Variants in PREX2 observed in about 807,000 individuals in gnomAD.
The protein encoded by PREX2 is phosphatidylinositol 3,4,5-trisphosphate-dependent Rac exchanger 2 protein.
Under a neutral mutation model 203.2 loss-of-function variants are expected in PREX2, and 107 were observed. The ratio of observed to expected loss-of-function variants is 0.53; its 90% CI spans 0.45 to 0.62. PREX2 has a LOEUF of 0.62. Ranked by LOEUF, PREX2 falls within the 20% of genes least tolerant of loss-of-function variation. The pLI, the probability that PREX2 is intolerant of heterozygous loss-of-function variation, is 0.00. For missense variants in PREX2, 1,777 were observed against 1,955.9 expected, an observed-to-expected ratio of 0.91 and a Z score of 1.72; for synonymous variants, 672 against 663.6, an observed-to-expected ratio of 1.01 and a Z score of -0.19.
At chr8:68,056,935 T>C (rs1808695807) in intron 10 of PREX2, among the ~76,000 whole-genome samples, 1 of 152,192 alleles carries the variant, frequency 6.6e-6, no homozygotes, top group Non-Finnish European at 1.5e-5. Flanking sequence ...TTACCTACAG[T>C]GCTCACTGGG....
intron 6 of PREX2, 43 bp from the exon 7 acceptor site, chr8:68,038,116 T>A: frequency 6.3e-7 from 1 of 1,582,740 alleles, no homozygotes; most frequent in Non-Finnish European, 8.6e-7. Context: ...TACAGAAGTG[T>A]CAACCAAGTA....
Position 68,183,876 on chromosome 8 carries a change from T to A in PREX2, c.4347-7846T>A, listed in dbSNP as rs562628376. Among the ~76,000 whole-genome samples, 30 of 152,278 alleles carry A rather than the reference T, an allele frequency of 2.0e-4. 1 individual carries two copies. In the South Asian group the frequency reaches 5.6e-3, roughly 28 times the overall value. On this transcript the variant is annotated intron_variant, in intron 35 of 39. Transcript: ENST00000288368. ...TATGGTAAAGTCTTACTTTCTATAG[T>A]CACATTTATTGTCTTGTCTTGTTAA...
intron 35 of PREX2, among the ~76,000 whole-genome samples, chr8:68,162,448 G>A (rs773325770): frequency 1.6e-4 from 25 of 152,022 alleles, no homozygotes; most frequent in Admixed American, 5.2e-4. Context: ...GACATTTTAT[G>A]ATTAGCTATT....
chr8:68,197,369 G>T (rs972314609), intron 37 of PREX2, among the ~76,000 whole-genome samples: 2 of 152,054 alleles, frequency 1.3e-5, no homozygotes, highest in Non-Finnish European at 2.9e-5. Flanking sequence ...TAAGTATCTG[G>T]CATTTCCCCT....
intron 9 of PREX2, among the ~76,000 whole-genome samples, chr8:68,054,302 A>G (rs10504418): frequency 0.082 from 12,472 of 152,196 alleles, 1,574 homozygotes; most frequent in African/African-American, 0.27. Flanking sequence ...ATAGCAAACA[A>G]ATAGTTAAAA....
Position 68,069,147 on chromosome 8 carries a change from C to G in PREX2, c.1443+11C>G, listed in dbSNP as rs1297757540. ...GACGTGATTTCAAAGGTAACGACCT[C>G]TCCCACAACCTCTCCAATAGTAGAA... On this transcript the variant is annotated intron_variant, in intron 12 of 39. Transcript: ENST00000288368. 8.1e-7 allele frequency: 1 copy of G among 1,231,424 alleles called. No individual in the cohort carries two copies. The highest frequency in any genetic ancestry group is 2.1e-5 in the Admixed American group (1 of 48,274). The allele number at this position is 1,231,424 out of a possible 1,614,324, so 76.3% of individuals were successfully genotyped here. A position where few individuals can be genotyped will look rare whatever the true frequency, so the allele number is the denominator to read the frequency against.
intron 6 of PREX2, among the ~76,000 whole-genome samples, chr8:68,032,781 C>T (rs1585722619): frequency 6.6e-6 from 1 of 152,106 alleles, no homozygotes; most frequent in East Asian, 1.9e-4. Context: ...GGAGAGGCTA[C>T]CTTAGCGTTA....
chr8:68,231,193 T>C (rs1465750262), intron 39 of PREX2, 140 bp from the exon 40 acceptor site: 1 of 553,726 alleles, frequency 1.8e-6, no homozygotes, highest in Non-Finnish European at 2.9e-6. Context: ...AATTCATATG[T>C]TATTTTTAGT....
At chr8:67,993,445 C>T (rs1166619433) in intron 1 of PREX2, among the ~76,000 whole-genome samples, 1 of 141,660 alleles carries the variant, frequency 7.1e-6, no homozygotes, top group Non-Finnish European at 1.5e-5. Context: ...CTCACTCTGT[C>T]GCCCAGACTG....
chr8:67,996,402 CA>C (rs1390896621), intron 1 of PREX2, among the ~76,000 whole-genome samples: 1 of 151,856 alleles, frequency 6.6e-6, no homozygotes, highest in Non-Finnish European at 1.5e-5. Context: ...CTATGTTGCC[CA>C]AGTTGGTCTC....
intron 10 of PREX2, among the ~76,000 whole-genome samples, chr8:68,058,693 C>T (rs1808753291): frequency 6.6e-6 from 1 of 152,074 alleles, no homozygotes. Flanking sequence ...CCTCCGCCTC[C>T]CAAAATGCTG....
chr8:68,098,490 T>C (rs1463671717), intron 22 of PREX2, among the ~76,000 whole-genome samples: 1 of 152,128 alleles, frequency 6.6e-6, no homozygotes, highest in African/African-American at 2.4e-5. Context: ...ATCTAAAATA[T>C]ATATTTTTAA....
intron 34 of PREX2, among the ~76,000 whole-genome samples, chr8:68,153,915 A>T (rs1226745499): frequency 6.6e-6 from 1 of 152,258 alleles, no homozygotes; most frequent in South Asian, 2.1e-4. Flanking sequence ...TGTAATGAAA[A>T]TGGAAATTTA....
chr8:68,077,424 A>G lies in PREX2; in HGVS notation c.1597A>G (p.Met533Val). Residue 533 changes from methionine to valine, a missense_variant, in exon 15 of 40, where the codon ATG becomes GTG. Transcript: ENST00000288368. Reference sequence around the variant, plus strand: ...AGATTGCCGCACCAGAGAAGAGGCAATGATATTTGGCGTTGGACTCTGTGA... The same window carrying G: ...AGATTGCCGCACCAGAGAAGAGGCAGTGATATTTGGCGTTGGACTCTGTGA... ...QGDCRTREEA[M>V]IFGVGLCDNG... 1.2e-6 allele frequency: 2 copies of G among 1,613,896 alleles called. No individual in the cohort carries two copies. The highest frequency in any genetic ancestry group is 1.7e-6 in the Non-Finnish European group (2 of 1,179,780).
intron 38 of PREX2, among the ~76,000 whole-genome samples, chr8:68,224,236 T>C (rs1445785003): frequency 6.6e-6 from 1 of 152,102 alleles, no homozygotes; most frequent in Non-Finnish European, 1.5e-5. Context: ...AGGCTGGTCT[T>C]GAACTCCCAG....
intron 35 of PREX2, among the ~76,000 whole-genome samples, chr8:68,189,698 G>A (rs896315599): frequency 8.5e-5 from 13 of 152,214 alleles, no homozygotes; most frequent in Non-Finnish European, 1.5e-5. Context: ...GACCCAGTCT[G>A]GTGGGTTGCT....
In PREX2 at chr8:67,952,348, A is replaced by G; in HGVS notation, c.-47A>G. ...CCGGGCAGCAGCGGGCGCGCGGGTC[A>G]GCGCTCAGCACGGCGGGCAGCGCCG... On this transcript the variant is annotated 5_prime_UTR_variant, in exon 1 of 40. Transcript: ENST00000288368. 4.2e-6 allele frequency: 6 copies of G among 1,422,046 alleles called. No homozygotes were observed. Among genetic ancestry groups the G allele is most frequent in the East Asian group, 3.1e-5 (1 of 32,582 alleles). The allele number at this position is 1,422,046 out of a possible 1,614,324, so 88.1% of individuals were successfully genotyped here.
chr8:68,229,572 A>G (rs1813126291), intron 39 of PREX2, among the ~76,000 whole-genome samples: 1 of 152,204 alleles, frequency 6.6e-6, no homozygotes, highest in African/African-American at 2.4e-5. Flanking sequence ...CAATACCCAG[A>G]GCTACTATTT....
intron 1 of PREX2, among the ~76,000 whole-genome samples, chr8:67,953,519 A>T (rs1805413572): frequency 6.6e-6 from 1 of 152,104 alleles, no homozygotes; most frequent in Non-Finnish European, 1.5e-5. Flanking sequence ...AGTTTTTGTG[A>T]TCTCATCCAA....
Sources: allele counts gnomAD v4.1 joint callset (sites outside exome capture counted in the v4.1 genomes callset), GRCh38; gene constraint gnomAD v4.1.1; transcripts MANE v1.5; gene names NCBI Gene and HGNC (gene_info 2026-07-23, HGNC 2026-07-21).